GYPE: variants seen among roughly 807,000 people sequenced by gnomAD.
GYPE encodes glycophorin E (MNS blood group).
GYPE carries 8 observed loss-of-function variants against 11.6 expected under a neutral mutation model. The ratio of observed to expected loss-of-function variants is 0.69; its 90% CI spans 0.41 to 1.25. GYPE has a LOEUF of 1.25. Among genes scored for constraint, GYPE ranks in the 50% most tolerant of loss-of-function variants. The pLI is 0.01. For missense variants in GYPE, 90 were observed against 92.8 expected (o/e 0.97, Z 0.12); for synonymous variants, 28 against 29.6 (o/e 0.94, Z 0.18).
chr4:143,880,843 G>A (rs1302739523), intron 1 of GYPE, among the ~76,000 whole-genome samples: 1 of 152,120 alleles, frequency 6.6e-6, no homozygotes, highest in African/African-American at 2.4e-5. Flanking sequence ...TGTATGTGGT[G>A]TGTGTGTATG....
intron 1 of GYPE, among the ~76,000 whole-genome samples, chr4:143,883,585 G>A (rs13112043): frequency 0.047 from 669 of 14,316 alleles, 101 homozygotes; most frequent in East Asian, 0.25. Context: ...AATTAATTAT[G>A]AATTAATAAT....
At chr4:143,882,942 T>C (rs1389155057) in intron 1 of GYPE, among the ~76,000 whole-genome samples, 1 of 152,188 alleles carries the variant, frequency 6.6e-6, no homozygotes, top group African/African-American at 2.4e-5. Context: ...TTAATTGTTA[T>C]AAATGCTTGG....
intron 1 of GYPE, among the ~76,000 whole-genome samples, chr4:143,882,416 T>C (rs939929924): frequency 3.3e-5 from 5 of 152,198 alleles, no homozygotes; most frequent in African/African-American, 1.2e-4. Flanking sequence ...TAATAAATGT[T>C]AGATATGAGC....
At position 143,876,875 on chromosome 4, in the gene GYPE, C is replaced by A. The variant is rs753052305; in HGVS notation, c.137-20G>T. ...TTATCCCTACAGGAGATAAAGAGAG[C>A]GGCAAAATTATGAAAGTCTGAAATA... On this transcript the variant is annotated intron_variant, in intron 2 of 3. Coordinates refer to ENST00000358615, the MANE Select transcript of GYPE (RefSeq NM_198682.3). 2.1e-6 allele frequency: 3 copies of A among 1,422,516 alleles called. No individual in the cohort carries two copies. The highest frequency in any genetic ancestry group is 1.2e-5 in the South Asian group (1 of 86,334). 88.1% of individuals were successfully genotyped at this position (1,422,516 alleles called of 1,614,324 possible).
At chr4:143,903,566 C>T (rs1474416443) in intron 1 of GYPE, among the ~76,000 whole-genome samples, 2 of 147,792 alleles carry the variant, frequency 1.4e-5, no homozygotes, top group Non-Finnish European at 3.0e-5. Flanking sequence ...AAAGACTTCA[C>T]CATGTTTAGT....
In GYPE at chr4:143,873,361, T is replaced by C. The variant is rs1346487712; in HGVS notation, c.*10-1109A>G. 4.3e-5 allele frequency: 19 copies of C among 440,016 alleles called. No individual in the cohort carries two copies. The Admixed American group carries it at 4.6e-4, about 11-fold the overall frequency. 27.3% of individuals were successfully genotyped at this position (440,016 alleles called of 1,614,324 possible). A position where few individuals can be genotyped will look rare whatever the true frequency, so the allele number is the denominator to read the frequency against. On this transcript the variant is annotated intron_variant, in intron 3 of 3. Transcript: ENST00000358615. Reference sequence around the variant, plus strand: ...GAGAATGGAAATAATTTTCACCTGGTTGGCAATATTTGCAATCACTTCTGA... The same window carrying C: ...GAGAATGGAAATAATTTTCACCTGGCTGGCAATATTTGCAATCACTTCTGA...
intron 1 of GYPE, among the ~76,000 whole-genome samples, chr4:143,897,919 G>C (rs182488702): frequency 6.6e-6 from 1 of 152,272 alleles, no homozygotes; most frequent in African/African-American, 2.4e-5. Context: ...GAAAGGATAA[G>C]TGCAAATAAA....
chr4:143,893,822 G>T (rs1744509814), intron 1 of GYPE, among the ~76,000 whole-genome samples: 1 of 151,932 alleles, frequency 6.6e-6, no homozygotes, highest in South Asian at 2.1e-4. Flanking sequence ...TATCTTTGTG[G>T]CGTTCTCTGT....
At position 143,873,393 on chromosome 4, in the gene GYPE, A is replaced by T. The variant is rs1189508505; in HGVS notation, c.*10-1141T>A. On this transcript the variant is annotated intron_variant, in intron 3 of 3. Coordinates refer to ENST00000358615, the MANE Select transcript of GYPE (RefSeq NM_198682.3). The stretch of plus-strand genomic sequence containing the variant: ...TATTTGCAATCACTTCTGAACCTTC[A>T]GTTTTATCCAGTTGAATAATAAAGG... The T allele has an allele frequency of 1.3e-5, 6 of 453,842 alleles. No homozygotes were observed. The East Asian group carries it at 2.1e-4, about 16-fold the overall frequency. The allele number at this position is 453,842 out of a possible 1,614,324, so 28.1% of individuals were successfully genotyped here.
At chr4:143,874,294 C>T (rs1178336809) in intron 3 of GYPE, among the ~76,000 whole-genome samples, 1 of 152,016 alleles carries the variant, frequency 6.6e-6, no homozygotes, top group Non-Finnish European at 1.5e-5. Flanking sequence ...TCTCCCCCAT[C>T]CCACAGCCCC....
At chr4:143,901,695 T>G (rs1316639555) in intron 1 of GYPE, among the ~76,000 whole-genome samples, 1 of 152,066 alleles carries the variant, frequency 6.6e-6, no homozygotes, top group Non-Finnish European at 1.5e-5. Context: ...AAATATAATC[T>G]GTAAAGATAA....
chr4:143,891,775 A>G (rs2149911813), intron 1 of GYPE, among the ~76,000 whole-genome samples: 1 of 152,294 alleles, frequency 6.6e-6, no homozygotes, highest in South Asian at 2.1e-4. Flanking sequence ...AAACCCAATC[A>G]ACAGTGCTAC....
chr4:143,879,798 G>C (rs1459987213), intron 2 of GYPE, among the ~76,000 whole-genome samples: 3 of 152,128 alleles, frequency 2.0e-5, no homozygotes, highest in African/African-American at 7.2e-5. Context: ...ATCCCTCCCA[G>C]CAGCAGCTCC....
Position 143,876,555 on chromosome 4 carries a change from C to T in GYPE, c.*9+191G>A, listed in dbSNP as rs754924230. On this transcript the variant is annotated intron_variant, in intron 3 of 3. Coordinates refer to ENST00000358615, the MANE Select transcript of GYPE (RefSeq NM_198682.3). ...GGGGACAGATTTATATTTAGAGGCT[C>T]CCTTTAATTGGGCAAATGCAAAAAA... 5.7e-4 allele frequency among the ~76,000 whole-genome samples: 87 copies of T among 152,004 alleles called. 3 individuals carry two copies. Among genetic ancestry groups the T allele is most frequent in the Non-Finnish European group, 1.0e-3 (70 of 68,006 alleles).
intron 1 of GYPE, among the ~76,000 whole-genome samples, chr4:143,885,728 G>A (rs1744203687): frequency 6.9e-6 from 1 of 143,924 alleles, no homozygotes; most frequent in South Asian, 2.4e-4. Flanking sequence ...ATGTAAAATT[G>A]TATACACTTT....
At chr4:143,903,538 A>AAG (rs1553989202) in intron 1 of GYPE, among the ~76,000 whole-genome samples, 12 of 149,470 alleles carry the variant, frequency 8.0e-5, no homozygotes, top group African/African-American at 2.5e-4. Context: ...AAAAAAAAAA[A>AAG]AAAAGAAAAA....
intron 3 of GYPE, chr4:143,875,637 G>A: frequency 7.1e-7 from 1 of 1,417,964 alleles, no homozygotes; most frequent in Non-Finnish European, 9.6e-7. Flanking sequence ...CTTCTAAAGG[G>A]TACCTAGGGG....
In GYPE at chr4:143,872,471, T is replaced by C. The variant is rs192653790; in HGVS notation, c.*10-219A>G. 1.5e-4 allele frequency among the ~76,000 whole-genome samples: 23 copies of C among 152,106 alleles called. 1 individual carries two copies. The East Asian group carries it at 4.5e-3, about 30-fold the overall frequency. On this transcript the variant is annotated intron_variant, in intron 3 of 3. Transcript: ENST00000358615. ...ATTGAGACTTGCCAATAACCAGTTA[T>C]ACAAATAAAGAGGCTAGTCCTGGGA... is the stretch of plus-strand genomic sequence containing the variant.
intron 1 of GYPE, among the ~76,000 whole-genome samples, chr4:143,885,334 A>G (rs1231940546): frequency 1.3e-5 from 2 of 152,216 alleles, no homozygotes; most frequent in African/African-American, 2.4e-5. Context: ...AAATGAAAAC[A>G]TGCTTAGGGA....
Sources: allele counts gnomAD v4.1 joint callset (sites outside exome capture counted in the v4.1 genomes callset), GRCh38; gene constraint gnomAD v4.1.1; transcripts MANE v1.5; gene names NCBI Gene and HGNC (gene_info 2026-07-23, HGNC 2026-07-21).